The following LAMA3 variants were observed in gnomAD, a reference collection of about 807,000 sequenced individuals.
LAMA3 encodes the protein laminin subunit alpha 3.
A neutral mutation model predicts 402.0 loss-of-function variants in LAMA3; 281 were observed. The ratio of observed to expected loss-of-function variants is 0.70; its 90% CI spans 0.63 to 0.77. The LOEUF is 0.77. LAMA3 is among the 30% of genes least tolerant of loss of function. The pLI is 0.00. For synonymous variants in LAMA3, 1,431 were observed against 1,558.4 expected (o/e 0.92, Z 1.93); for missense variants, 3,840 against 4,215.5 (o/e 0.91, Z 2.47).
chr18:23,885,588 G>A (rs1051748586), intron 41 of LAMA3, among the ~76,000 whole-genome samples: 2 of 152,004 alleles, frequency 1.3e-5, no homozygotes, highest in African/African-American at 4.8e-5. Context: ...TAGCCACTAT[G>A]CATAGGACAC....
In LAMA3 at chr18:23,740,215, G is replaced by A. The variant is rs149297405; in HGVS notation, c.448-7728G>A. On this transcript the variant is annotated intron_variant, in intron 2 of 74. Coordinates refer to ENST00000313654, the MANE Select transcript of LAMA3 (RefSeq NM_198129.4). ...CAAATCTATTTGTAAGTTGTTAGTT[G>A]TGGATAAAATGCTCTTGAGTAACAG... 2.5e-3 allele frequency among the ~76,000 whole-genome samples: 382 copies of A among 152,306 alleles called. 2 individuals carry two copies. Among genetic ancestry groups the A allele is most frequent in the African/African-American group, 8.9e-3 (371 of 41,560 alleles).
chr18:23,739,864 A>G (rs1042796600), intron 2 of LAMA3, among the ~76,000 whole-genome samples: 4 of 152,244 alleles, frequency 2.6e-5, no homozygotes, highest in Admixed American at 6.5e-5. Context: ...AAAAAATATA[A>G]ATAGATTGAA....
intron 2 of LAMA3, among the ~76,000 whole-genome samples, chr18:23,720,770 G>A (rs780569461): frequency 6.6e-6 from 1 of 152,172 alleles, no homozygotes; most frequent in Non-Finnish European, 1.5e-5. Flanking sequence ...ATCCTTTATG[G>A]TCCTTTAGTA....
intron 1 of LAMA3, among the ~76,000 whole-genome samples, chr18:23,702,334 CTTT>C (rs2060805541): frequency 6.6e-6 from 1 of 152,118 alleles, no homozygotes; most frequent in African/African-American, 2.4e-5. Flanking sequence ...CTTCTTTCTT[CTTT>C]TTCTAATTTT....
At chr18:23,876,494 C>T in intron 39 of LAMA3, 87 bp downstream of exon 39, 1 of 835,808 alleles carries the variant, frequency 1.2e-6, no homozygotes. Flanking sequence ...ATCAACATTA[C>T]ATCTCCCGCC....
At chr18:23,699,488 G>C (rs2060751888) in intron 1 of LAMA3, among the ~76,000 whole-genome samples, 1 of 152,206 alleles carries the variant, frequency 6.6e-6, no homozygotes, top group Non-Finnish European at 1.5e-5. Flanking sequence ...CCTGGTTTGA[G>C]GAATGCGTCA....
intron 2 of LAMA3, among the ~76,000 whole-genome samples, chr18:23,720,224 G>A (rs2061185203): frequency 1.3e-5 from 2 of 152,066 alleles, no homozygotes; most frequent in South Asian, 2.1e-4. Flanking sequence ...AATTAATTAC[G>A]GTTCGTTCCA....
At chr18:23,841,293 T>C (rs1161908017) in intron 27 of LAMA3, among the ~76,000 whole-genome samples, 1 of 152,226 alleles carries the variant, frequency 6.6e-6, no homozygotes, top group African/African-American at 2.4e-5. Context: ...GTTGTTGCTG[T>C]TGAAGATTTT....
rs1007259876 is a variant in LAMA3, at chr18:23,781,196, G to A, written c.1469-2827G>A. On this transcript the variant is annotated intron_variant, in intron 11 of 74. Transcript: ENST00000313654. ...CAATACTTCGTTTAACGCCAAGACT[G>A]TAATTCACGGTAAAAACGTTCCCTT... 2.8e-5 allele frequency: 12 copies of A among 422,412 alleles called. 1 individual carries two copies. Among genetic ancestry groups the A allele is most frequent in the Admixed American group, 2.4e-4 (9 of 37,738 alleles). The allele number at this position is 422,412 out of a possible 1,614,324, so 26.2% of individuals were successfully genotyped here.
chr18:23,932,328 C>T (rs201456593), intron 66 of LAMA3, 37 bp downstream of exon 66: 176 of 1,609,610 alleles, frequency 1.1e-4, no homozygotes, highest in Middle Eastern at 5.0e-4. Context: ...CTGATGAGAA[C>T]GGCCTGCCCA....
chr18:23,945,144 TA>T (rs1297708206), intron 69 of LAMA3, among the ~76,000 whole-genome samples: 2 of 151,632 alleles, frequency 1.3e-5, no homozygotes, highest in East Asian at 1.9e-4. Context: ...AAAATAAAAA[TA>T]AAAAAAATAA....
intron 55 of LAMA3, among the ~76,000 whole-genome samples, chr18:23,910,498 A>T (rs1162879248): frequency 6.6e-6 from 1 of 152,208 alleles, no homozygotes; most frequent in African/African-American, 2.4e-5. Flanking sequence ...CACAGAAATT[A>T]TTAAGTCATA....
chr18:23,747,074 T>C lies in LAMA3; in HGVS notation c.448-869T>C, dbSNP rs138575933. Among the ~76,000 whole-genome samples the C allele has an allele frequency of 1.2e-3, 184 of 152,178 alleles. 1 individual carries two copies. The highest frequency in any genetic ancestry group is 4.3e-3 in the African/African-American group (179 of 41,534). On this transcript the variant is annotated intron_variant, in intron 2 of 74. Transcript: ENST00000313654. ...CTCCTCAGACAGTCACCGGGAAATC[T>C]GTTGCCTGGGGGTCAGGGAGCCTGG...
chr18:23,784,019 G>T lies in LAMA3; in HGVS notation c.1469-4G>T, dbSNP rs2062489688. Reference sequence around the variant, plus strand: ...CCCTTCTGAAAGTTTCCTGTCTTCTGCAGGGTGTGACTGTAATCTGGAAGG... The same window carrying T: ...CCCTTCTGAAAGTTTCCTGTCTTCTTCAGGGTGTGACTGTAATCTGGAAGG... On this transcript the variant is annotated splice_region_variant and splice_polypyrimidine_tract_variant and intron_variant, in intron 11 of 74. Coordinates refer to ENST00000313654, the MANE Select transcript of LAMA3 (RefSeq NM_198129.4). 1 of 1,613,994 alleles carries T rather than the reference G, an allele frequency of 6.2e-7. No individual in the cohort carries two copies. The highest frequency in any genetic ancestry group is 1.3e-5 in the African/African-American group (1 of 74,914).
chr18:23,763,238 T>C (rs1380485716), intron 7 of LAMA3, among the ~76,000 whole-genome samples, 167 bp from the exon 8 acceptor site: 1 of 152,188 alleles, frequency 6.6e-6, no homozygotes, highest in East Asian at 1.9e-4. Context: ...TATCTTAGTA[T>C]ATCCTGGTCT....
chr18:23,858,792 A>G lies in LAMA3; in HGVS notation c.4385A>G (p.Asn1462Ser). The change falls in exon 34 of 75, where the codon AAT becomes AGT. Residue 1462 changes from asparagine (N) to serine (S), a missense_variant. Coordinates refer to ENST00000313654, the MANE Select transcript of LAMA3 (RefSeq NM_198129.4). ...ACCAGCTGTTTCTGTTTTGGAGTAA[A>G]TAATCAATGTCACAGCTCACATAAG... ...GCTSCFCFGV[N>S]NQCHSSHKRR... The G allele has an allele frequency of 6.2e-7, 1 of 1,614,226 alleles. No individual in the cohort carries two copies.
At chr18:23,788,030 C>T (rs888093693) in intron 12 of LAMA3, among the ~76,000 whole-genome samples, 1 of 151,866 alleles carries the variant, frequency 6.6e-6, no homozygotes, top group African/African-American at 2.4e-5. Flanking sequence ...ATATGTTTGA[C>T]AGTAGCACAA....
At position 23,909,119 on chromosome 18, in the gene LAMA3, A is replaced by G. The variant is rs2081350738; in HGVS notation, c.7016-34A>G. 7 of 1,603,300 alleles carry G rather than the reference A, an allele frequency of 4.4e-6. No homozygotes were observed. The South Asian group carries it at 6.6e-5, about 15-fold the overall frequency. On this transcript the variant is annotated intron_variant, in intron 54 of 74. Transcript: ENST00000313654. ...TGTAGTTAGCCTTTTCTTAATGCACAATCTTACATTTCTATTTTTTTTCTC... is the reference window on the plus strand; with the variant it reads ...TGTAGTTAGCCTTTTCTTAATGCACGATCTTACATTTCTATTTTTTTTCTC...
chr18:23,951,446 T>A (rs984596365), intron 72 of LAMA3, among the ~76,000 whole-genome samples: 1 of 152,200 alleles, frequency 6.6e-6, no homozygotes, highest in Non-Finnish European at 1.5e-5. Context: ...TCATTGCCAT[T>A]GGCAACGACT....
Sources: gnomAD v4.1 joint callset for allele counts (sites outside exome capture counted in the v4.1 genomes callset) on GRCh38, gnomAD v4.1.1 for gene constraint, MANE v1.5 for transcripts, NCBI Gene and HGNC (gene_info 2026-07-23, HGNC 2026-07-21) for gene names.